The following SDK1 variants were observed in gnomAD, a reference collection of about 807,000 sequenced individuals.
SDK1 encodes the protein sidekick cell adhesion molecule 1.
SDK1 carries 157 observed loss-of-function variants against 245.5 expected under a neutral mutation model. The ratio of observed to expected loss-of-function variants is 0.64; its 90% CI spans 0.56 to 0.73. The LOEUF is 0.73. Among genes scored for constraint, SDK1 ranks in the 30% least tolerant of loss-of-function variants. The pLI is 0.00. For synonymous variants in SDK1, 1,647 were observed against 1,278.5 expected, an observed-to-expected ratio of 1.29 and a Z score of -6.15; for missense variants, 3,583 against 3,002.3, an observed-to-expected ratio of 1.19 and a Z score of -4.52.
chr7:3,834,178 A>G (rs1306997864), intron 5 of SDK1, among the ~76,000 whole-genome samples: 1 of 152,150 alleles, frequency 6.6e-6, no homozygotes, highest in East Asian at 1.9e-4. Flanking sequence ...TCTGTCCCTA[A>G]GTGTATGATT....
At chr7:3,792,568 A>G in intron 4 of SDK1, among the ~76,000 whole-genome samples, 1 of 152,038 alleles carries the variant, frequency 6.6e-6, no homozygotes, top group South Asian at 2.1e-4. Flanking sequence ...TCTCTAACCC[A>G]CTGCCATCAG....
intron 1 of SDK1, among the ~76,000 whole-genome samples, chr7:3,447,649 T>C (rs1780382171): frequency 6.6e-6 from 1 of 152,108 alleles, no homozygotes. Context: ...AGGTATTGTT[T>C]TTTGTTTCTG....
rs573072102 is a variant in SDK1, at chr7:3,406,567, A to G, written c.298+104683A>G. Among the ~76,000 whole-genome samples, 6 of 152,270 alleles carry G rather than the reference A, an allele frequency of 3.9e-5. No individual in the cohort carries two copies. The East Asian group carries it at 5.8e-4, about 15-fold the overall frequency. ...TACTTGAGCTTTGGTTAGTTATTCT[A>G]TAGATCGTTTTGTGGATTAAGTGAA... On this transcript the variant is annotated intron_variant, in intron 1 of 44. Transcript: ENST00000404826.
intron 4 of SDK1, among the ~76,000 whole-genome samples, chr7:3,692,586 T>A (rs1020243658): frequency 6.6e-6 from 1 of 152,158 alleles, no homozygotes; most frequent in Admixed American, 6.5e-5. Context: ...TTTTTGTGCT[T>A]ATTTAAACTG....
intron 21 of SDK1, among the ~76,000 whole-genome samples, chr7:4,078,682 C>T (rs750733666): frequency 7.9e-5 from 12 of 152,126 alleles, no homozygotes; most frequent in Non-Finnish European, 8.8e-5. Flanking sequence ...CACAGTAACA[C>T]GAAAGCTCTC....
At chr7:3,799,903 C>T (rs1052026450) in intron 4 of SDK1, among the ~76,000 whole-genome samples, 6 of 151,970 alleles carry the variant, frequency 3.9e-5, no homozygotes, top group East Asian at 1.9e-4. Context: ...AAAATTTATT[C>T]TATGCTTTTC....
intron 22 of SDK1, among the ~76,000 whole-genome samples, chr7:4,091,197 A>G (rs1178604159): frequency 1.3e-5 from 2 of 152,160 alleles, no homozygotes; most frequent in Non-Finnish European, 2.9e-5. Context: ...CAGTCAAGTC[A>G]TACTTGTTAT....
At chr7:4,190,571 G>A (rs904832232) in intron 35 of SDK1, among the ~76,000 whole-genome samples, 2 of 152,238 alleles carry the variant, frequency 1.3e-5, no homozygotes, top group African/African-American at 4.8e-5. Flanking sequence ...GCCAAGGAGT[G>A]CAGAGTGGAG....
intron 14 of SDK1, among the ~76,000 whole-genome samples, chr7:3,993,838 T>C (rs1784519248): frequency 6.6e-6 from 1 of 152,132 alleles, no homozygotes; most frequent in Admixed American, 6.6e-5. Context: ...TTCTATCTAC[T>C]CTTCTCTCCT....
intron 1 of SDK1, among the ~76,000 whole-genome samples, chr7:3,428,097 G>A (rs1203436569): frequency 6.6e-6 from 1 of 152,212 alleles, no homozygotes; most frequent in African/African-American, 2.4e-5. Context: ...CATGGTGGCA[G>A]CACAACTATA....
At chr7:3,975,088 G>A (rs921599246) in intron 13 of SDK1, among the ~76,000 whole-genome samples, 1 of 152,102 alleles carries the variant, frequency 6.6e-6, no homozygotes, top group Non-Finnish European at 1.5e-5. Flanking sequence ...CCTTCCTGGG[G>A]GTTCCAAAGA....
chr7:3,821,132 C>T (rs1779634942), intron 4 of SDK1, among the ~76,000 whole-genome samples: 1 of 152,286 alleles, frequency 6.6e-6, no homozygotes, highest in South Asian at 2.1e-4. Flanking sequence ...TATGCATTCT[C>T]AGAGGAGGAA....
intron 1 of SDK1, among the ~76,000 whole-genome samples, chr7:3,570,089 G>A (rs1376174834): frequency 1.3e-5 from 2 of 152,162 alleles, no homozygotes; most frequent in African/African-American, 2.4e-5. Flanking sequence ...CTACTTCTCT[G>A]TGTCACCACC....
At chr7:4,230,880 C>T (rs1199479905) in intron 40 of SDK1, among the ~76,000 whole-genome samples, 3 of 152,138 alleles carry the variant, frequency 2.0e-5, no homozygotes, top group Admixed American at 2.0e-4. Context: ...CTTGATTTTC[C>T]TCCATCCCCT....
chr7:3,720,008 C>A (rs951199142), intron 4 of SDK1, among the ~76,000 whole-genome samples: 1 of 151,386 alleles, frequency 6.6e-6, no homozygotes. Flanking sequence ...AAGGAAAACT[C>A]AGAGTATCTT....
At chr7:3,315,645 A>G (rs935073545) in intron 1 of SDK1, among the ~76,000 whole-genome samples, 3 of 152,198 alleles carry the variant, frequency 2.0e-5, no homozygotes, top group African/African-American at 7.2e-5. Context: ...TGTTATAGGG[A>G]TTTCTCTTTT....
intron 5 of SDK1, among the ~76,000 whole-genome samples, chr7:3,849,766 ATC>A (rs1780373343): frequency 2.6e-5 from 4 of 152,138 alleles, no homozygotes; most frequent in Non-Finnish European, 4.4e-5. Flanking sequence ...AGTTAGCAGG[ATC>A]ATTTGTTTAT....
At chr7:3,424,969 T>A (rs1314587482) in intron 1 of SDK1, among the ~76,000 whole-genome samples, 1 of 152,184 alleles carries the variant, frequency 6.6e-6, no homozygotes, top group African/African-American at 2.4e-5. Flanking sequence ...TTTTTCTTTT[T>A]TTTGAAGTAG....
chr7:4,188,725 G>A (rs1783027239), intron 35 of SDK1, among the ~76,000 whole-genome samples: 1 of 150,754 alleles, frequency 6.6e-6, no homozygotes. Context: ...TCATCCTCCT[G>A]GAATTAATTC....
Sources: allele counts gnomAD v4.1 joint callset (sites outside exome capture counted in the v4.1 genomes callset), GRCh38; gene constraint gnomAD v4.1.1; transcripts MANE v1.5; gene names NCBI Gene and HGNC (gene_info 2026-07-23, HGNC 2026-07-21).